The following WDFY4 variants were observed in gnomAD, a reference collection of about 807,000 sequenced individuals.
WDFY4 encodes WD repeat- and FYVE domain-containing protein 4.
A neutral mutation model predicts 351.9 loss-of-function variants in WDFY4; 169 were observed. That is an observed-to-expected ratio of 0.48 (90% confidence interval 0.42 to 0.55). The LOEUF (loss-of-function observed/expected upper bound fraction) is 0.55, where lower values mean the gene tolerates loss of function less well. Ranked by LOEUF, WDFY4 falls within the 20% of genes least tolerant of loss-of-function variation. WDFY4 has a pLI of 0.00. For missense variants in WDFY4, 3,803 were observed against 3,935.6 expected (o/e 0.97, Z 0.90); for synonymous variants, 1,622 against 1,574.6 (o/e 1.03, Z -0.71).
At chr10:48,748,668 G>A (rs2065085171) in intron 12 of WDFY4, among the ~76,000 whole-genome samples, 1 of 152,286 alleles carries the variant, frequency 6.6e-6, no homozygotes, top group African/African-American at 2.4e-5. Context: ...TAAGACCCAT[G>A]TTTCATAAAT....
chr10:48,767,050 C>A (rs983450529), intron 13 of WDFY4, among the ~76,000 whole-genome samples: 1 of 152,180 alleles, frequency 6.6e-6, no homozygotes, highest in Non-Finnish European at 1.5e-5. Context: ...CAATTTATGA[C>A]CCATATGAGA....
At chr10:48,827,194 C>T (rs1048483855) in intron 36 of WDFY4, among the ~76,000 whole-genome samples, 16 of 151,942 alleles carry the variant, frequency 1.1e-4, no homozygotes, top group African/African-American at 3.4e-4. Flanking sequence ...AAAATGCCAA[C>T]ATTAGATGTA....
At chr10:48,812,836 C>T (rs923994300) in intron 30 of WDFY4, among the ~76,000 whole-genome samples, 1 of 152,194 alleles carries the variant, frequency 6.6e-6, no homozygotes, top group Non-Finnish European at 1.5e-5. Context: ...AGCTGTGAGT[C>T]TCCTAAATCA....
chr10:48,866,455 T>C (rs1393379846), intron 39 of WDFY4, among the ~76,000 whole-genome samples: 1 of 152,238 alleles, frequency 6.6e-6, no homozygotes, highest in Non-Finnish European at 1.5e-5. Flanking sequence ...CTTTGTATTA[T>C]GTCTATCCTT....
At chr10:48,955,546 G>A (rs556747234) in intron 51 of WDFY4, among the ~76,000 whole-genome samples, 2 of 152,372 alleles carry the variant, frequency 1.3e-5, no homozygotes, top group African/African-American at 4.8e-5. Context: ...ATGGGGCAAA[G>A]CACGCCCTGT....
At chr10:48,805,549 C>T (rs2127590) in intron 26 of WDFY4, 128 bp downstream of exon 26, 465,692 of 1,316,894 alleles carry the variant, frequency 0.35, 95,843 homozygotes, top group East Asian at 0.87. Context: ...GAATTTTTGC[C>T]CAGGGCTGAG....
intron 13 of WDFY4, 37 bp downstream of exon 13, chr10:48,760,477 A>T: frequency 6.5e-7 from 1 of 1,543,036 alleles, no homozygotes; most frequent in Admixed American, 2.0e-5. Flanking sequence ...TGTCATCTTC[A>T]CATGACTGAT....
At chr10:48,834,608 T>G (rs1310978813) in intron 39 of WDFY4, among the ~76,000 whole-genome samples, 3 of 152,222 alleles carry the variant, frequency 2.0e-5, no homozygotes, top group African/African-American at 7.2e-5. Flanking sequence ...TCCTGACCAG[T>G]GTCACTTGAG....
intron 12 of WDFY4, among the ~76,000 whole-genome samples, chr10:48,745,032 C>T (rs1653134092): frequency 6.6e-6 from 1 of 152,176 alleles, no homozygotes; most frequent in African/African-American, 2.4e-5. Flanking sequence ...GTTATCATTT[C>T]CTTCTACCTT....
At chr10:48,810,419 A>G in intron 28 of WDFY4, 111 bp from the exon 29 acceptor site, 1 of 993,092 alleles carries the variant, frequency 1.0e-6, no homozygotes, top group Non-Finnish European at 1.5e-6. Context: ...AGTGATGTTA[A>G]CCTTAACTTG....
At chr10:48,839,523 G>A (rs1415925106) in intron 39 of WDFY4, among the ~76,000 whole-genome samples, 1 of 152,194 alleles carries the variant, frequency 6.6e-6, no homozygotes, top group African/African-American at 2.4e-5. Context: ...AAATGCAAGA[G>A]TCAGAGGACC....
At chr10:48,805,693 C>A (rs1270625587) in intron 26 of WDFY4, among the ~76,000 whole-genome samples, 1 of 152,204 alleles carries the variant, frequency 6.6e-6, no homozygotes, top group African/African-American at 2.4e-5. Flanking sequence ...ATAAGCACTG[C>A]CATCCTTGCC....
chr10:48,933,661 A>G (rs1381269188), intron 47 of WDFY4, among the ~76,000 whole-genome samples: 2 of 152,164 alleles, frequency 1.3e-5, no homozygotes, highest in Admixed American at 1.3e-4. Flanking sequence ...GGCTGAGATG[A>G]GTTCCATTAT....
At chr10:48,969,771 C>T (rs929389838) in intron 56 of WDFY4, among the ~76,000 whole-genome samples, 3 of 152,060 alleles carry the variant, frequency 2.0e-5, no homozygotes, top group Non-Finnish European at 4.4e-5. Flanking sequence ...ACAATGAATT[C>T]CCTATCCCCC....
intron 43 of WDFY4, among the ~76,000 whole-genome samples, chr10:48,886,589 A>C (rs1235229417): frequency 6.6e-6 from 1 of 152,140 alleles, no homozygotes; most frequent in African/African-American, 2.4e-5. Context: ...CCCTTCCATC[A>C]TGGGGTGACC....
At position 48,761,070 on chromosome 10, in the gene WDFY4, A is replaced by G. The variant is rs116323804; in HGVS notation, c.2553+630A>G. On this transcript the variant is annotated intron_variant, in intron 13 of 61. Transcript: ENST00000325239. ...ACAGATCTCATTAAATCTAATTTAGATAAAGGGTTGGAGGTCAGGGAAGCC... is the reference window on the plus strand; with the variant it reads ...ACAGATCTCATTAAATCTAATTTAGGTAAAGGGTTGGAGGTCAGGGAAGCC... Among the ~76,000 whole-genome samples the G allele has an allele frequency of 4.0e-3, 612 of 152,298 alleles. 2 individuals carry two copies. Among genetic ancestry groups the G allele is most frequent in the African/African-American group, 0.014 (568 of 41,550 alleles).
In WDFY4 at chr10:48,805,342, A is replaced by T; in HGVS notation, c.4567A>T (p.Ile1523Phe). 1 of 1,549,122 alleles carries T rather than the reference A, an allele frequency of 6.5e-7. No individual in the cohort carries two copies. The highest frequency in any genetic ancestry group is 1.2e-5 in the South Asian group (1 of 84,042). Residue 1523 changes from isoleucine (I) to phenylalanine (F), a missense_variant, in exon 26 of 62, where the codon ATC becomes TTC. Coordinates refer to ENST00000325239, the MANE Select transcript of WDFY4 (RefSeq NM_001394531.1). ...CTTCCTATTCAATGAGCCGAGCCTC[A>T]TCCCCTCCAAGATCTCCACCATCAT... ...LIFLFNEPSL[I>F]PSKISTIIGI...
At chr10:48,737,996 C>A (rs2064725887) in intron 11 of WDFY4, among the ~76,000 whole-genome samples, 1 of 152,150 alleles carries the variant, frequency 6.6e-6, no homozygotes, top group African/African-American at 2.4e-5. Context: ...CACTCCACTT[C>A]ACTGCGCTGT....
intron 47 of WDFY4, among the ~76,000 whole-genome samples, chr10:48,906,598 G>A (rs547985784): frequency 6.6e-6 from 1 of 152,326 alleles, no homozygotes; most frequent in East Asian, 1.9e-4. Flanking sequence ...AATACCGGCA[G>A]GATTTTTGAG....
Sources: allele counts gnomAD v4.1 joint callset (sites outside exome capture counted in the v4.1 genomes callset), GRCh38; gene constraint gnomAD v4.1.1; transcripts MANE v1.5; gene names NCBI Gene and HGNC (gene_info 2026-07-23, HGNC 2026-07-21).